ZCCHC2: variants seen among roughly 807,000 people sequenced by gnomAD.
ZCCHC2 encodes the protein zinc finger CCHC-type containing 2.
Under a neutral mutation model 103.6 loss-of-function variants are expected in ZCCHC2, and 39 were observed. That is an observed-to-expected ratio of 0.38 (90% CI 0.29 to 0.49). The LOEUF (loss-of-function observed/expected upper bound fraction) is 0.49, where lower values mean the gene tolerates loss of function less well. ZCCHC2 is among the 20% of genes least tolerant of loss of function. The probability of loss-of-function intolerance (pLI) is 0.96; values close to 1 mark genes in which losing one functional copy is unlikely to be tolerated. For synonymous variants in ZCCHC2, 687 were observed against 608.9 expected (o/e 1.13, Z -1.89); for missense variants, 1,483 against 1,491.0 (o/e 0.99, Z 0.09).
exon 15 of ZCCHC2, chr18:62,585,969 A>G (rs1306700386): frequency 1.3e-5 from 2 of 152,154 alleles, no homozygotes; most frequent in African/African-American, 2.4e-5. Flanking sequence ...TTGCTGCCCC[A>G]CGCCACCTCT....
intron 1 of ZCCHC2, among the ~76,000 whole-genome samples, chr18:62,535,517 G>A (rs896514288): frequency 4.6e-5 from 7 of 152,194 alleles, no homozygotes; most frequent in African/African-American, 7.2e-5. Flanking sequence ...TGAAGAGTTT[G>A]TCTCTGTTCT....
At chr18:62,546,576 A>T (rs1915419662) in intron 4 of ZCCHC2, among the ~76,000 whole-genome samples, 1 of 152,160 alleles carries the variant, frequency 6.6e-6, no homozygotes, top group Non-Finnish European at 1.5e-5. Context: ...AAAAGCCTTG[A>T]AAAGGGGGGT....
At chr18:62,585,301 A>ATG (rs1156262743) in exon 15 of ZCCHC2, 7 of 152,404 alleles carry the variant, frequency 4.6e-5, no homozygotes, top group African/African-American at 1.7e-4. Context: ...CTACTGAAGC[A>ATG]GTGGGGCAAG....
chr18:62,574,800 C>G lies in ZCCHC2; in HGVS notation c.2719C>G (p.Leu907Val), dbSNP rs771063391. Residue 907 changes from leucine (L) to valine (V), a missense_variant, in exon 13 of 14, where the codon CTC becomes GTC. By Grantham distance (32) the Leu-to-Val change is conservative. This residue lies in a region of ZCCHC2 where 884 missense variants were observed against 907.5 expected (regional missense o/e 0.97). Coordinates refer to ENST00000269499, the MANE Select transcript of ZCCHC2 (RefSeq NM_017742.6). ...GAAGGTAGTTCTTCCAGCAGCTGGC[C>G]TCTCAGCTGCTCAGCCACCAGCTTC... ...NVKVVLPAAG[L>V]SAAQPPASYP... The G allele has an allele frequency of 1.9e-6, 3 of 1,613,878 alleles. No individual in the cohort carries two copies. The highest frequency in any genetic ancestry group is 2.7e-5 in the African/African-American group (2 of 74,924).
intron 11 of ZCCHC2, 33 bp from the exon 12 acceptor site, chr18:62,570,069 AC>A (rs1916531819): frequency 6.5e-7 from 1 of 1,535,198 alleles, no homozygotes; most frequent in African/African-American, 1.4e-5. Flanking sequence ...AAATGACTTA[AC>A]ATGATTTTTT....
chr18:62,564,975 T>A lies in ZCCHC2; in HGVS notation c.1752-27T>A, dbSNP rs1331918114. On this transcript the variant is annotated intron_variant, in intron 10 of 13. Coordinates refer to ENST00000269499, the MANE Select transcript of ZCCHC2 (RefSeq NM_017742.6). ...TGTTTGGTAGATAACCTTATTAAAATGTTGGCAATATGTTCATTTGGTTTA... is the reference window on the plus strand; with the variant it reads ...TGTTTGGTAGATAACCTTATTAAAAAGTTGGCAATATGTTCATTTGGTTTA... 2.0e-6 allele frequency: 3 copies of A among 1,508,978 alleles called. No homozygotes were observed. The East Asian group carries it at 6.8e-5, about 34-fold the overall frequency. The allele number at this position is 1,508,978 out of a possible 1,614,324, so 93.5% of individuals were successfully genotyped here.
intron 1 of ZCCHC2, 26 bp downstream of exon 1, chr18:62,524,389 C>G (rs1914249041): frequency 2.1e-6 from 3 of 1,448,044 alleles, no homozygotes; most frequent in African/African-American, 3.0e-5. Flanking sequence ...CCTCCCTGGA[C>G]TCGCGGTGCG....
intron 11 of ZCCHC2, among the ~76,000 whole-genome samples, chr18:62,565,340 T>C (rs2145524699): frequency 6.6e-6 from 1 of 152,246 alleles, no homozygotes; most frequent in Admixed American, 6.5e-5. Flanking sequence ...GCCTCTCCCT[T>C]CTGGCAGCAG....
At chr18:62,548,248 G>A (rs67192650) in intron 4 of ZCCHC2, among the ~76,000 whole-genome samples, 33,486 of 151,284 alleles carry the variant, frequency 0.22, 3,906 homozygotes, top group South Asian at 0.31. Flanking sequence ...ATTTAAAACT[G>A]TATATATATA....
downstream of ZCCHC2, among the ~76,000 whole-genome samples, chr18:62,583,232 C>T (rs1231997416): frequency 6.6e-6 from 1 of 152,148 alleles, no homozygotes; most frequent in Non-Finnish European, 1.5e-5. Context: ...TAATTTTGCT[C>T]TATGCACTGA....
At chr18:62,525,231 A>C (rs1914323781) in intron 1 of ZCCHC2, 1 of 152,246 alleles carries the variant, frequency 6.6e-6, no homozygotes. Context: ...GAGAATCCAG[A>C]TGAGACACTT....
At chr18:62,546,944 C>T (rs1166338991) in intron 4 of ZCCHC2, among the ~76,000 whole-genome samples, 1 of 152,188 alleles carries the variant, frequency 6.6e-6, no homozygotes, top group African/African-American at 2.4e-5. Flanking sequence ...ACGTGTACTT[C>T]TGGAAACATA....
chr18:62,585,070 C>T (rs79749462), exon 15 of ZCCHC2: 2 of 152,258 alleles, frequency 1.3e-5, no homozygotes, highest in East Asian at 3.9e-4. Flanking sequence ...TATCCCATAG[C>T]GAGGCCTCTT....
intron 12 of ZCCHC2, among the ~76,000 whole-genome samples, chr18:62,572,794 T>G (rs762468788): frequency 1.4e-4 from 21 of 152,254 alleles, no homozygotes; most frequent in Non-Finnish European, 2.4e-4. Context: ...ATGTTTCTGC[T>G]TCTTTCAGAC....
chr18:62,532,021 A>G (rs1331283279), intron 1 of ZCCHC2, among the ~76,000 whole-genome samples: 4 of 152,148 alleles, frequency 2.6e-5, no homozygotes, highest in Admixed American at 2.6e-4. Flanking sequence ...AAGACATTTG[A>G]AGAGATAGTA....
chr18:62,545,021 A>G (rs1915351991), intron 4 of ZCCHC2, 148 bp downstream of exon 4: 1 of 605,166 alleles, frequency 1.7e-6, no homozygotes, highest in Non-Finnish European at 2.7e-6. Flanking sequence ...GGAAAACGTC[A>G]TGTTATTCTA....
In ZCCHC2 at chr18:62,524,054, CGAGGGCTCGCGGGGCGGCGCG is replaced by C; in HGVS notation, c.635_655del (p.Gly212_Glu218del). 1 of 1,476,022 alleles carries C rather than the reference CGAGGGCTCGCGGGGCGGCGCG, an allele frequency of 6.8e-7. No individual in the cohort carries two copies. Among genetic ancestry groups the C allele is most frequent in the Non-Finnish European group, 8.9e-7 (1 of 1,124,472 alleles). 91.4% of individuals were successfully genotyped at this position (1,476,022 alleles called of 1,614,324 possible). A position where few individuals can be genotyped will look rare whatever the true frequency, so the allele number is the denominator to read the frequency against. On this transcript the variant is annotated inframe_deletion, in exon 1 of 14. Transcript: ENST00000269499. The stretch of plus-strand genomic sequence containing the variant: ...TCAAAAGCCTGCGCGCGGCCCGGGG[CGAGGGCTCGCGGGGCGGCGCG>C]GAGGACGAGCGCGGCGAGGACGGCG...
chr18:62,574,862 G>T lies in ZCCHC2; in HGVS notation c.2781G>T (p.Val927=). Reference sequence around the variant, plus strand: ...CAGGCTCTCCCCTTGCTGCCGGCGTGTTACCCAGCCAGAACTCCAGTGTGC... The same window carrying T: ...CAGGCTCTCCCCTTGCTGCCGGCGTTTTACCCAGCCAGAACTCCAGTGTGC... The part of the protein sequence containing the change: ...PLPGSPLAAG[V]LPSQNSSVLS... The change falls in exon 13 of 14, where the codon GTG becomes GTT. Residue 927 remains valine (V), a synonymous_variant. Coordinates refer to ENST00000269499, the MANE Select transcript of ZCCHC2 (RefSeq NM_017742.6). 6.2e-7 allele frequency: 1 copy of T among 1,613,864 alleles called. No homozygotes were observed. Among genetic ancestry groups the T allele is most frequent in the Non-Finnish European group, 8.5e-7 (1 of 1,179,894 alleles).
At chr18:62,569,515 A>G (rs1916506417) in intron 11 of ZCCHC2, among the ~76,000 whole-genome samples, 1 of 148,518 alleles carries the variant, frequency 6.7e-6, no homozygotes, top group South Asian at 2.1e-4. Flanking sequence ...AAAAAAATCC[A>G]AAGTTTGTAT....
Sources: gnomAD v4.1 joint callset for allele counts (sites outside exome capture counted in the v4.1 genomes callset) on GRCh38, gnomAD v4.1.1 for gene constraint, gnomAD v4.1.1 regional missense constraint, MANE v1.5 for transcripts, NCBI Gene and HGNC (gene_info 2026-07-23, HGNC 2026-07-21) for gene names.